FRYL: variants seen among roughly 807,000 people sequenced by gnomAD.
FRYL encodes FRY like transcription coactivator.
In FRYL, 150 loss-of-function variants were observed where a neutral mutation model predicts 351.2. The ratio of observed to expected loss-of-function variants is 0.43; its 90% confidence interval spans 0.37 to 0.49. The LOEUF (loss-of-function observed/expected upper bound fraction) is 0.49. FRYL is among the 20% of genes least tolerant of loss of function. FRYL has a pLI of 0.00. For missense variants in FRYL, 3,036 were observed against 3,619.3 expected (o/e 0.84, Z 4.13); for synonymous variants, 1,153 against 1,257.1 (o/e 0.92, Z 1.75).
intron 1 of FRYL, among the ~76,000 whole-genome samples, chr4:48,738,742 GA>G (rs1354982632): frequency 6.8e-6 from 1 of 148,038 alleles, no homozygotes; most frequent in Admixed American, 6.9e-5. Flanking sequence ...CTGGCCTCAA[GA>G]AATCCTATTG....
intron 7 of FRYL, among the ~76,000 whole-genome samples, chr4:48,616,483 T>C (rs1349258790): frequency 6.6e-6 from 1 of 152,150 alleles, no homozygotes; most frequent in Non-Finnish European, 1.5e-5. Flanking sequence ...CACATTTTTA[T>C]AGAGGAAGGA....
At chr4:48,618,932 G>T (rs1578380314) in intron 7 of FRYL, 1 of 191,680 alleles carries the variant, frequency 5.2e-6, no homozygotes, top group Non-Finnish European at 1.1e-5. Context: ...AGGCTTGGGG[G>T]CTTAGAGGAG....
chr4:48,554,301 G>C (rs1733584652), intron 35 of FRYL, among the ~76,000 whole-genome samples: 1 of 151,906 alleles, frequency 6.6e-6, no homozygotes, highest in African/African-American at 2.4e-5. Context: ...ATGACCCCTG[G>C]ATGAATCTTA....
chr4:48,521,059 G>A lies in FRYL; in HGVS notation c.7678C>T (p.Arg2560Trp), dbSNP rs763873461. Residue 2560 changes from arginine (R) to tryptophan (W), a missense_variant, in exon 55 of 64, where the codon CGG becomes TGG. Arg to Trp is a moderately radical substitution (Grantham distance 101). Around this residue, in one of 7 missense-constraint regions of FRYL, gnomAD observed 1,987 missense variants for 2,311.7 expected, o/e 0.86. Coordinates refer to ENST00000358350, the MANE Select transcript of FRYL (RefSeq NM_015030.2). ...CCATTTCTCCCCACCTCAGGCAGCC[G>A]GCTGTTAGCATTATCTAGAGAAGCC... ...LEASLDNANS[R>W]LPEDTTSVLK... 13 of 1,609,708 alleles carry A rather than the reference G, an allele frequency of 8.1e-6. No individual in the cohort carries two copies. The highest frequency in any genetic ancestry group is 5.0e-5 in the Admixed American group (3 of 59,746).
chr4:48,551,035 CCA>C (rs1315917642), intron 37 of FRYL, among the ~76,000 whole-genome samples: 1 of 151,406 alleles, frequency 6.6e-6, no homozygotes, highest in Admixed American at 6.6e-5. Flanking sequence ...CCACTGCACT[CCA>C]GTCTGGCAAC....
At chr4:48,646,170 C>A (rs1756421729) in intron 3 of FRYL, among the ~76,000 whole-genome samples, 1 of 152,150 alleles carries the variant, frequency 6.6e-6, no homozygotes, top group African/African-American at 2.4e-5. Context: ...ATTCATTCCT[C>A]ATTTTTTATG....
At chr4:48,517,441 G>A (rs569367371) in intron 55 of FRYL, among the ~76,000 whole-genome samples, 1 of 152,274 alleles carries the variant, frequency 6.6e-6, no homozygotes, top group East Asian at 1.9e-4. Context: ...ATATCACGAA[G>A]AAAGTGCTTT....
chr4:48,618,664 A>T (rs1285802555), intron 7 of FRYL: 9 of 151,724 alleles, frequency 5.9e-5, no homozygotes, highest in Non-Finnish European at 4.4e-5. Flanking sequence ...TATTAAGACT[A>T]TACCTGACAC....
Position 48,561,617 on chromosome 4 carries a change from A to G in FRYL, c.3716T>C (p.Phe1239Ser). 1 of 1,610,382 alleles carries G rather than the reference A, an allele frequency of 6.2e-7. No homozygotes were observed. Residue 1239 changes from phenylalanine to serine, a missense_variant, in exon 33 of 64, where the codon TTT becomes TCT. Phe to Ser is a radical substitution (Grantham distance 155). This residue lies in a region of FRYL where 1,987 missense variants were observed against 2,311.7 expected (regional missense o/e 0.86). Coordinates refer to ENST00000358350, the MANE Select transcript of FRYL (RefSeq NM_015030.2). ...AACCTCCAATTTGTGAGCATAGCGAAACATCTTCGGTTCCAGAATCTATAG... is the reference window on the plus strand; with the variant it reads ...AACCTCCAATTTGTGAGCATAGCGAGACATCTTCGGTTCCAGAATCTATAG... ...QLLQILEPKM[F>S]RYAHKLEVQR...
At chr4:48,502,669 C>G (rs960601497) in intron 61 of FRYL, among the ~76,000 whole-genome samples, 159 bp downstream of exon 61, 3 of 151,872 alleles carry the variant, frequency 2.0e-5, no homozygotes, top group African/African-American at 7.3e-5. Context: ...TTAAAAGAAC[C>G]AACATTTCAT....
At chr4:48,742,979 T>TA (rs1307789559) in intron 1 of FRYL, among the ~76,000 whole-genome samples, 1 of 133,150 alleles carries the variant, frequency 7.5e-6, no homozygotes. Context: ...GATAATTTTT[T>TA]TTTTTTTTTT....
chr4:48,601,910 T>C, intron 13 of FRYL, 110 bp downstream of exon 13: 1 of 592,984 alleles, frequency 1.7e-6, no homozygotes, highest in Non-Finnish European at 3.0e-6. Flanking sequence ...AGTGTTGCTA[T>C]TCAAGTATAC....
At chr4:48,558,477 T>G (rs1734634629) in intron 33 of FRYL, among the ~76,000 whole-genome samples, 1 of 152,214 alleles carries the variant, frequency 6.6e-6, no homozygotes, top group Non-Finnish European at 1.5e-5. Flanking sequence ...TATAGACTTT[T>G]CAGTTCTGCA....
chr4:48,732,774 G>A (rs1394710663), intron 1 of FRYL, among the ~76,000 whole-genome samples: 1 of 151,440 alleles, frequency 6.6e-6, no homozygotes, highest in East Asian at 1.9e-4. Context: ...TGGAGCCTGT[G>A]GGGGGTGGGG....
intron 1 of FRYL, among the ~76,000 whole-genome samples, chr4:48,757,554 A>G (rs999055152): frequency 1.3e-5 from 2 of 152,176 alleles, no homozygotes; most frequent in Non-Finnish European, 2.9e-5. Flanking sequence ...GACCTCTTCA[A>G]GGAGAACTAC....
chr4:48,691,369 T>G (rs1309077136), intron 2 of FRYL, among the ~76,000 whole-genome samples: 1 of 152,132 alleles, frequency 6.6e-6, no homozygotes, highest in Non-Finnish European at 1.5e-5. Flanking sequence ...GGCACATTCC[T>G]AAGATGAAAT....
intron 1 of FRYL, among the ~76,000 whole-genome samples, chr4:48,717,860 T>C (rs894661125): frequency 6.6e-6 from 1 of 151,612 alleles, no homozygotes; most frequent in Non-Finnish European, 1.5e-5. Flanking sequence ...ACATTTTCAA[T>C]TGGTGACTTG....
intron 55 of FRYL, 92 bp from the exon 56 acceptor site, chr4:48,515,367 GT>G: frequency 1.1e-6 from 1 of 917,724 alleles, no homozygotes; most frequent in Non-Finnish European, 1.6e-6. Context: ...ATCTAAGTCT[GT>G]TTTATTAAGT....
intron 1 of FRYL, among the ~76,000 whole-genome samples, chr4:48,768,397 A>C (rs1398682503): frequency 6.6e-6 from 1 of 152,240 alleles, no homozygotes; most frequent in Non-Finnish European, 1.5e-5. Context: ...TGCTTTATCA[A>C]AAATATAAGG....
Sources: gnomAD v4.1 joint callset for allele counts (sites outside exome capture counted in the v4.1 genomes callset) on GRCh38, gnomAD v4.1.1 for gene constraint, gnomAD v4.1.1 regional missense constraint, MANE v1.5 for transcripts, NCBI Gene and HGNC (gene_info 2026-07-23, HGNC 2026-07-21) for gene names.